Variants in DCAF8L2 observed in about 807,000 individuals in gnomAD.
DCAF8L2 encodes the protein DDB1 and CUL4 associated factor 8 like 2.
For missense variants in DCAF8L2, 430 were observed against 490.7 expected, an observed-to-expected ratio of 0.88 and a Z score of 1.17; for synonymous variants, 200 against 190.9, an observed-to-expected ratio of 1.05 and a Z score of -0.39.
At chrX:27,718,166 T>A (rs1931765813) in intron 4 of DCAF8L2, among the ~76,000 whole-genome samples, 2 of 111,869 alleles carry the variant, frequency 1.8e-5, no homozygotes, top group African/African-American at 6.5e-5. Context: ...AGTGACTCTT[T>A]GAATTAGATT....
chrX:27,703,727 A>G (rs999910262), intron 3 of DCAF8L2, among the ~76,000 whole-genome samples: 1 of 109,354 alleles, frequency 9.1e-6, no homozygotes, highest in African/African-American at 3.5e-5. Context: ...AATAATTCAA[A>G]ATGCATCATA....
At chrX:27,656,898 G>C in intron 2 of DCAF8L2, among the ~76,000 whole-genome samples, 1 of 111,113 alleles carries the variant, frequency 9.0e-6, no homozygotes, top group African/African-American at 3.3e-5. Context: ...AACTTGATTG[G>C]ATTGAAGGAT....
intron 3 of DCAF8L2, among the ~76,000 whole-genome samples, chrX:27,696,213 A>T (rs1930888963): frequency 9.6e-6 from 1 of 104,566 alleles, no homozygotes; most frequent in Non-Finnish European, 1.9e-5. Context: ...AAAAAAAAAG[A>T]AGAAAAAGAA....
intron 4 of DCAF8L2, among the ~76,000 whole-genome samples, chrX:27,736,187 G>A (rs994684434): frequency 7.2e-5 from 8 of 110,809 alleles, no homozygotes; most frequent in Non-Finnish European, 1.3e-4. Context: ...ACAGATGGCC[G>A]ACATGATGGT....
chrX:27,486,415 C>G, the DCAF8L2 span, among the ~76,000 whole-genome samples: 14 of 111,648 alleles, frequency 1.3e-4, no homozygotes, highest in South Asian at 5.3e-3. Flanking sequence ...AAAGAGATTT[C>G]TAATACTAAG....
At chrX:27,690,037 T>C (rs2147253131) in intron 3 of DCAF8L2, among the ~76,000 whole-genome samples, 1 of 111,408 alleles carries the variant, frequency 9.0e-6, no homozygotes, top group East Asian at 2.8e-4. Context: ...TTCAAGAGAC[T>C]TTTTTGGAGG....
intron 2 of DCAF8L2, among the ~76,000 whole-genome samples, chrX:27,652,745 G>A (rs995252962): frequency 5.4e-5 from 6 of 112,090 alleles, no homozygotes; most frequent in African/African-American, 9.7e-5. Flanking sequence ...AAGACAAAGA[G>A]AGCTAATGTG....
At chrX:27,674,916 T>C (rs1930089693) in intron 2 of DCAF8L2, among the ~76,000 whole-genome samples, 2 of 111,490 alleles carry the variant, frequency 1.8e-5, no homozygotes, top group African/African-American at 6.5e-5. Flanking sequence ...AAGAGTAAGC[T>C]GAGAAATCAA....
chrX:27,732,489 TGC>T (rs34870297), intron 4 of DCAF8L2, among the ~76,000 whole-genome samples: 24,240 of 99,287 alleles, frequency 0.24, 2,233 homozygotes, highest in Middle Eastern at 0.35. Context: ...CCTGTGTGTG[TGC>T]GCGTGTGTGT....
At chrX:27,632,139 C>G (rs999034695) in intron 2 of DCAF8L2, 139 bp downstream of exon 2, 1 of 111,958 alleles carries the variant, frequency 8.9e-6, no homozygotes, top group African/African-American at 3.2e-5. Context: ...CCATGTTGCG[C>G]TGCCGGAGGT....
the DCAF8L2 span, among the ~76,000 whole-genome samples, chrX:27,494,621 A>G: frequency 5.4e-5 from 6 of 111,509 alleles, no homozygotes; most frequent in Non-Finnish European, 1.1e-4. Context: ...GAGTATGTGC[A>G]TGTGTGCTTT....
At chrX:27,673,701 G>GTATA (rs751027213) in intron 2 of DCAF8L2, among the ~76,000 whole-genome samples, 1 of 105,679 alleles carries the variant, frequency 9.5e-6, no homozygotes, top group Non-Finnish European at 1.9e-5. Context: ...GTGGTTGTGT[G>GTATA]TATATATATA....
the DCAF8L2 span, among the ~76,000 whole-genome samples, chrX:27,495,288 T>G: frequency 1.8e-5 from 2 of 112,021 alleles, no homozygotes; most frequent in Admixed American, 9.5e-5. Flanking sequence ...ATGTCAATAC[T>G]GTGCCCTATA....
chrX:27,571,245 C>A, the DCAF8L2 span, among the ~76,000 whole-genome samples: 1 of 111,595 alleles, frequency 9.0e-6, no homozygotes, highest in South Asian at 3.8e-4. Context: ...TAGATTCTTT[C>A]TGGTTTCTCC....
In DCAF8L2 at chrX:27,614,349, CTTT is replaced by C. The variant is rs760448835; in HGVS notation, c.-341-17529_-341-17527del. Among the ~76,000 whole-genome samples, 429 of 110,762 alleles carry C rather than the reference CTTT, an allele frequency of 3.9e-3. 1 individual carries two copies. Among genetic ancestry groups the C allele is most frequent in the African/African-American group, 0.013 (400 of 30,410 alleles). ...CTATTTGATTTTTCTCTCTTTTCTT[CTTT>C]ATTAGTCTTACTAGCGGTCTATCAA... On this transcript the variant is annotated intron_variant, in intron 1 of 4. Transcript: ENST00000451261.
the DCAF8L2 span, among the ~76,000 whole-genome samples, chrX:27,548,840 A>T: frequency 8.9e-6 from 1 of 112,115 alleles, no homozygotes; most frequent in African/African-American, 3.2e-5. Context: ...CTCAACACAA[A>T]CATCAGGAAG....
intron 2 of DCAF8L2, among the ~76,000 whole-genome samples, chrX:27,651,403 T>C (rs1451283160): frequency 9.0e-6 from 1 of 111,449 alleles, no homozygotes; most frequent in African/African-American, 3.3e-5. Flanking sequence ...TTTTTATGTG[T>C]ATGTCCTTCA....
chrX:27,565,356 A>G, the DCAF8L2 span, among the ~76,000 whole-genome samples: 2 of 111,059 alleles, frequency 1.8e-5, no homozygotes, highest in Non-Finnish European at 3.8e-5. Flanking sequence ...CATTGCATTG[A>G]TTGCTTTGTG....
chrX:27,724,199 A>T (rs887345877), intron 4 of DCAF8L2, among the ~76,000 whole-genome samples: 1 of 110,979 alleles, frequency 9.0e-6, no homozygotes, highest in Non-Finnish European at 1.9e-5. Context: ...CTCTTAAAAA[A>T]TAATCATAGG....
Sources: allele counts gnomAD v4.1 joint callset (sites outside exome capture counted in the v4.1 genomes callset), GRCh38; gene constraint gnomAD v4.1.1; transcripts MANE v1.5; gene names NCBI Gene and HGNC (gene_info 2026-07-23, HGNC 2026-07-21).